Variants in UBAC2 observed in about 807,000 individuals in gnomAD.
UBAC2 encodes ubiquitin-associated domain-containing protein 2.
A neutral mutation model predicts 44.0 loss-of-function variants in UBAC2; 26 were observed. The ratio of observed to expected loss-of-function variants is 0.59; its 90% confidence interval spans 0.43 to 0.82. The LOEUF (loss-of-function observed/expected upper bound fraction) is 0.82, where lower values mean the gene tolerates loss of function less well. UBAC2 is among the 40% of genes least tolerant of loss of function. The pLI is 0.00. For missense variants in UBAC2, 329 were observed against 419.4 expected, an observed-to-expected ratio of 0.78 and a Z score of 1.88; for synonymous variants, 155 against 154.3, an observed-to-expected ratio of 1.00 and a Z score of -0.04.
At chr13:99,317,053 G>A (rs1295631285) in intron 5 of UBAC2, among the ~76,000 whole-genome samples, 10 of 152,216 alleles carry the variant, frequency 6.6e-5, no homozygotes, top group African/African-American at 2.2e-4. Flanking sequence ...TAAAGTTGCA[G>A]CCTGTGCTCA....
intron 4 of UBAC2, among the ~76,000 whole-genome samples, chr13:99,292,378 G>A (rs1313365890): frequency 2.0e-5 from 3 of 151,482 alleles, no homozygotes; most frequent in Admixed American, 6.6e-5. Context: ...TCCTGACCTC[G>A]TGATTCACCC....
chr13:99,384,592 T>G (rs1312667710), intron 8 of UBAC2, among the ~76,000 whole-genome samples: 1 of 152,262 alleles, frequency 6.6e-6, no homozygotes, highest in African/African-American at 2.4e-5. Context: ...CAGCCCCACT[T>G]TGCTGCCTGC....
intron 7 of UBAC2, among the ~76,000 whole-genome samples, chr13:99,365,407 G>A (rs2045317435): frequency 6.6e-6 from 1 of 151,764 alleles, no homozygotes; most frequent in African/African-American, 2.4e-5. Flanking sequence ...TTAATTTTCA[G>A]TTTTCTTTTT....
At chr13:99,370,508 C>T (rs1180510623) in intron 8 of UBAC2, among the ~76,000 whole-genome samples, 1 of 152,142 alleles carries the variant, frequency 6.6e-6, no homozygotes, top group East Asian at 1.9e-4. Flanking sequence ...TTTCAGCAAA[C>T]AAAACAAATT....
chr13:99,230,525 A>G (rs1425855527), intron 1 of UBAC2, among the ~76,000 whole-genome samples: 1 of 152,208 alleles, frequency 6.6e-6, no homozygotes, highest in Non-Finnish European at 1.5e-5. Flanking sequence ...TTTGGAGGCC[A>G]GAAGTCCAAA....
chr13:99,213,587 T>C (rs1355485882), intron 1 of UBAC2, among the ~76,000 whole-genome samples: 1 of 151,924 alleles, frequency 6.6e-6, no homozygotes, highest in Non-Finnish European at 1.5e-5. Context: ...CTTGAACTTC[T>C]GACCTCAGGT....
intron 4 of UBAC2, among the ~76,000 whole-genome samples, chr13:99,244,882 G>C (rs2043363692): frequency 6.6e-6 from 1 of 151,402 alleles, no homozygotes; most frequent in South Asian, 2.1e-4. Context: ...ACCCAGGCTG[G>C]AGTGCATTGG....
At chr13:99,260,422 G>A (rs953113219) in intron 4 of UBAC2, among the ~76,000 whole-genome samples, 1 of 152,186 alleles carries the variant, frequency 6.6e-6, no homozygotes, top group East Asian at 1.9e-4. Context: ...GGTTGGGGGA[G>A]GAATGGATAA....
At position 99,242,195 on chromosome 13, in the gene UBAC2, C is replaced by A. The variant is rs201071651; in HGVS notation, c.160-1637C>A. 2.6e-4 allele frequency among the ~76,000 whole-genome samples: 39 copies of A among 152,324 alleles called. No individual in the cohort carries two copies. In the East Asian group the frequency reaches 4.4e-3, roughly 17 times the overall value. On this transcript the variant is annotated intron_variant, in intron 2 of 8. Transcript: ENST00000403766. ...TCAATCTTTTCCCCACCTTTCCCCC[C>A]CTTCTATTCCACAAAACCGCCATTG...
intron 1 of UBAC2, among the ~76,000 whole-genome samples, chr13:99,203,482 C>T (rs1260648607): frequency 6.6e-6 from 1 of 152,216 alleles, no homozygotes; most frequent in Non-Finnish European, 1.5e-5. Flanking sequence ...CTGCCATTTT[C>T]TACCACCTGC....
At chr13:99,377,749 A>C (rs1938364042) in intron 8 of UBAC2, 1 of 152,222 alleles carries the variant, frequency 6.6e-6, no homozygotes, top group African/African-American at 2.4e-5. Context: ...GCTGCCCTCC[A>C]TAGGAGAATA....
Position 99,354,929 on chromosome 13 carries a change from G to A in UBAC2, c.808-12858G>A, listed in dbSNP as rs182381973. ...AGGGGAAAATCAGTAGTCCTTCAGC[G>A]TTGGCTGGGTTTGATGGACAGAGGA... On this transcript the variant is annotated intron_variant, in intron 7 of 8. Transcript: ENST00000403766. Among the ~76,000 whole-genome samples the A allele has an allele frequency of 9.9e-5, 15 of 151,852 alleles. 1 individual carries two copies. The East Asian group carries it at 1.2e-3, about 12-fold the overall frequency.
At chr13:99,259,106 T>G (rs2043618041) in intron 4 of UBAC2, among the ~76,000 whole-genome samples, 1 of 152,164 alleles carries the variant, frequency 6.6e-6, no homozygotes, top group African/African-American at 2.4e-5. Flanking sequence ...TAAGAGTGTT[T>G]TCACCTAAGA....
chr13:99,208,702 T>C lies in UBAC2; in HGVS notation c.31+7763T>C, dbSNP rs116744265. Among the ~76,000 whole-genome samples, 961 of 152,290 alleles carry C rather than the reference T, an allele frequency of 6.3e-3. 6 individuals carry two copies. The highest frequency in any genetic ancestry group is 0.022 in the African/African-American group (932 of 41,568). On this transcript the variant is annotated intron_variant, in intron 1 of 8. Transcript: ENST00000403766. ...CTCTCTGTCCCTCAGATTTCTTGTGTCTGACTTCACTAGTTTCTGGATTGA... is the reference window on the plus strand; with the variant it reads ...CTCTCTGTCCCTCAGATTTCTTGTGCCTGACTTCACTAGTTTCTGGATTGA...
At chr13:99,244,238 G>T (rs1453391723) in intron 3 of UBAC2, among the ~76,000 whole-genome samples, 1 of 151,998 alleles carries the variant, frequency 6.6e-6, no homozygotes. Flanking sequence ...TTTGCTTAGT[G>T]GTTTGTGTTT....
At chr13:99,353,855 A>T (rs772730651) in intron 7 of UBAC2, among the ~76,000 whole-genome samples, 1 of 152,028 alleles carries the variant, frequency 6.6e-6, no homozygotes, top group Admixed American at 6.6e-5. Context: ...ATTTCGTGCA[A>T]CCCCCAAGGT....
At chr13:99,207,423 C>T (rs1349952635) in intron 1 of UBAC2, among the ~76,000 whole-genome samples, 3 of 152,200 alleles carry the variant, frequency 2.0e-5, no homozygotes, top group Non-Finnish European at 4.4e-5. Context: ...CATGTACCTT[C>T]CCAACTGCTG....
chr13:99,343,565 G>T (rs545750253), intron 7 of UBAC2, among the ~76,000 whole-genome samples: 1 of 152,364 alleles, frequency 6.6e-6, no homozygotes, highest in South Asian at 2.1e-4. Context: ...CTCACTAACA[G>T]ATCTGAAGTC....
intron 4 of UBAC2, among the ~76,000 whole-genome samples, chr13:99,257,125 T>C (rs2043577006): frequency 2.0e-5 from 3 of 152,190 alleles, no homozygotes; most frequent in Admixed American, 2.0e-4. Flanking sequence ...TTCTTCTCCT[T>C]CTTTCCTTCT....
Sources: allele counts gnomAD v4.1 joint callset (sites outside exome capture counted in the v4.1 genomes callset), GRCh38; gene constraint gnomAD v4.1.1; transcripts MANE v1.5; gene names NCBI Gene and HGNC (gene_info 2026-07-23, HGNC 2026-07-21).